Variants in VSIG10 observed in about 807,000 individuals in gnomAD.
The protein encoded by VSIG10 is V-set and immunoglobulin domain-containing protein 10.
Under a neutral mutation model 58.7 loss-of-function variants are expected in VSIG10, and 48 were observed. That is an observed-to-expected ratio of 0.82 (90% CI 0.65 to 1.04). The LOEUF is 1.04. VSIG10 is among the 50% of genes least tolerant of loss of function. The pLI is 0.00. For missense variants in VSIG10, 628 were observed against 670.0 expected (o/e 0.94, Z 0.69); for synonymous variants, 260 against 267.1 (o/e 0.97, Z 0.26).
intron 4 of VSIG10, among the ~76,000 whole-genome samples, chr12:118,075,887 A>G (rs140936414): frequency 4.4e-4 from 67 of 152,318 alleles, no homozygotes; most frequent in African/African-American, 1.3e-3. Flanking sequence ...AGAGTGATCA[A>G]CTGCCCCAGT....
intron 5 of VSIG10, 44 bp from the exon 6 acceptor site, chr12:118,071,513 G>A (rs368527761): frequency 1.6e-5 from 25 of 1,560,398 alleles, no homozygotes; most frequent in Non-Finnish European, 2.2e-5. Context: ...TCAGATATGT[G>A]TGCAATTAGA....
At chr12:118,086,490 G>C (rs978471815) in intron 2 of VSIG10, among the ~76,000 whole-genome samples, 9 of 152,092 alleles carry the variant, frequency 5.9e-5, no homozygotes, top group Admixed American at 1.3e-4. Context: ...TATGGGAAAG[G>C]CTGTGACACC....
Position 118,068,507 on chromosome 12 carries a change from C to A in VSIG10, c.1437G>T (p.Gly479=), listed in dbSNP as rs1265779618. ...CTCTCTCACGTGCTCCCTCCTGTTCCCCTACTGCAGCATCTTCCTCCTCCT... is the reference window on the plus strand; with the variant it reads ...CTCTCTCACGTGCTCCCTCCTGTTCACCTACTGCAGCATCTTCCTCCTCCT... ...EEEEEEDAAV[G]EQEGAREREE... is the part of the protein sequence containing the mutation. Residue 479 remains glycine (G), a synonymous_variant, in exon 8 of 9, where the codon GGG becomes GGT. Coordinates refer to ENST00000359236, the MANE Select transcript of VSIG10 (RefSeq NM_019086.6). The A allele has an allele frequency of 6.2e-7, 1 of 1,610,192 alleles. No individual in the cohort carries two copies. Among genetic ancestry groups the A allele is most frequent in the Non-Finnish European group, 8.5e-7 (1 of 1,179,226 alleles).
intron 2 of VSIG10, among the ~76,000 whole-genome samples, chr12:118,083,805 C>A (rs2033039548): frequency 6.6e-6 from 1 of 152,012 alleles, no homozygotes; most frequent in African/African-American, 2.4e-5. Flanking sequence ...TGTGAGCCAC[C>A]ACACCTGGCC....
chr12:118,074,930 A>G (rs146201909), intron 4 of VSIG10, among the ~76,000 whole-genome samples: 290 of 152,254 alleles, frequency 1.9e-3, no homozygotes, highest in African/African-American at 6.3e-3. Context: ...GGCTGAGTAG[A>G]TATTTTGAGA....
intron 3 of VSIG10, among the ~76,000 whole-genome samples, chr12:118,080,032 C>T (rs2032889837): frequency 6.6e-6 from 1 of 152,226 alleles, no homozygotes; most frequent in Non-Finnish European, 1.5e-5. Flanking sequence ...CAAGGTTTTG[C>T]CATGTTGGTC....
intron 2 of VSIG10, among the ~76,000 whole-genome samples, chr12:118,087,646 G>A (rs1176392109): frequency 6.6e-6 from 1 of 151,862 alleles, no homozygotes; most frequent in African/African-American, 2.4e-5. Context: ...AAACCAGCCT[G>A]GGCAATATAG....
At chr12:118,068,212 T>TTTC (rs1373581354) in intron 8 of VSIG10, among the ~76,000 whole-genome samples, 165 bp downstream of exon 8, 1 of 147,590 alleles carries the variant, frequency 6.8e-6, no homozygotes, top group Non-Finnish European at 1.5e-5. Context: ...TTTTTTTTTT[T>TTTC]TTCGTAGAGA....
At chr12:118,085,085 A>G (rs1592875349) in intron 2 of VSIG10, among the ~76,000 whole-genome samples, 1 of 152,200 alleles carries the variant, frequency 6.6e-6, no homozygotes, top group East Asian at 1.9e-4. Flanking sequence ...TTGGGCAAGA[A>G]TCACCCCACC....
chr12:118,066,345 C>G lies in VSIG10; in HGVS notation c.*294G>C. ...TAAATCAGCATCTATCACAGTAGAT[C>G]AACCTGGATAAAGCCAGGATTCACA... On this transcript the variant is annotated 3_prime_UTR_variant, in exon 9 of 9. Coordinates refer to ENST00000359236, the MANE Select transcript of VSIG10 (RefSeq NM_019086.6). 2.5e-6 allele frequency: 1 copy of G among 399,368 alleles called. No homozygotes were observed. The allele number at this position is 399,368 out of a possible 1,614,324, so 24.7% of individuals were successfully genotyped here. A position where few individuals can be genotyped will look rare whatever the true frequency, so the allele number is the denominator to read the frequency against.
intron 4 of VSIG10, among the ~76,000 whole-genome samples, chr12:118,076,578 T>C (rs2032736518): frequency 6.6e-6 from 1 of 151,936 alleles, no homozygotes; most frequent in South Asian, 2.1e-4. Context: ...GCCCAAGCAA[T>C]ATGCCCGTCC....
intron 2 of VSIG10, among the ~76,000 whole-genome samples, chr12:118,087,449 C>T (rs2033158841): frequency 6.6e-6 from 1 of 151,854 alleles, no homozygotes; most frequent in Non-Finnish European, 1.5e-5. Flanking sequence ...TCACACATCC[C>T]CAGCCACTTG....
chr12:118,100,852 G>T (rs1440575597), intron 1 of VSIG10, among the ~76,000 whole-genome samples: 1 of 152,178 alleles, frequency 6.6e-6, no homozygotes, highest in Non-Finnish European at 1.5e-5. Context: ...AAATTATTAG[G>T]ATTGGGAACC....
At position 118,103,607 on chromosome 12, in the gene VSIG10, C is replaced by A; in HGVS notation, c.65G>T (p.Gly22Val). The A allele has an allele frequency of 6.6e-7, 1 of 1,521,608 alleles. No homozygotes were observed. Among genetic ancestry groups the A allele is most frequent in the Non-Finnish European group, 8.8e-7 (1 of 1,140,526 alleles). 94.3% of individuals were successfully genotyped at this position (1,521,608 alleles called of 1,614,324 possible). Residue 22 changes from glycine (G) to valine (V), a missense_variant, in exon 1 of 9, where the codon GGC (glycine) becomes GTC (valine). Transcript: ENST00000359236. The stretch of plus-strand genomic sequence containing the variant: ...CGGCCCCTTACCTACGGCGACCCAG[C>A]CGGCCAGGAGCGCCCCGAGGCAGAC... ...VLVCLGALLAGWVAVGLEAVV... is the reference protein window; with the variant it reads ...VLVCLGALLAVWVAVGLEAVV...
chr12:118,095,830 T>C lies in VSIG10; in HGVS notation c.80-16A>G, dbSNP rs754936728. ...GCCTCCAATCCTGTACAAGGCAAGA[T>C]CAGGCTGTTACTACCCTTCTTAATT... is the stretch of plus-strand genomic sequence containing the variant. On this transcript the variant is annotated splice_polypyrimidine_tract_variant and intron_variant, in intron 1 of 8. Transcript: ENST00000359236. The C allele has an allele frequency of 6.3e-7, 1 of 1,596,118 alleles. No homozygotes were observed. The highest frequency in any genetic ancestry group is 8.5e-7 in the Non-Finnish European group (1 of 1,170,696).
At position 118,066,651 on chromosome 12, in the gene VSIG10, G is replaced by A. The variant is rs777691810; in HGVS notation, c.1611C>T (p.Asp537=). ...ACCATCCTCTTCTTCAGACTGGCCT[G>A]TCTTCTTCTTGAACAATGTCACTTT... The part of the protein sequence containing the change: ...EEQSDIVQEE[D]RPV Residue 537 remains aspartate, a synonymous_variant, in exon 9 of 9, where the codon GAC becomes GAT. Transcript: ENST00000359236. 15 of 1,613,374 alleles carry A rather than the reference G, an allele frequency of 9.3e-6. No homozygotes were observed. The highest frequency in any genetic ancestry group is 1.3e-5 in the Non-Finnish European group (15 of 1,179,630).
At chr12:118,075,148 A>G (rs1056653101) in intron 4 of VSIG10, among the ~76,000 whole-genome samples, 1 of 115,702 alleles carries the variant, frequency 8.6e-6, no homozygotes, top group African/African-American at 3.9e-5. Context: ...ATATATGTGT[A>G]TATGTATATA....
At chr12:118,081,408 C>T (rs2032943675) in intron 3 of VSIG10, among the ~76,000 whole-genome samples, 1 of 151,982 alleles carries the variant, frequency 6.6e-6, no homozygotes, top group East Asian at 2.0e-4. Context: ...TCACTGCAAC[C>T]TCTGCGTCCC....
intron 2 of VSIG10, among the ~76,000 whole-genome samples, chr12:118,087,610 G>A (rs1310948418): frequency 1.3e-5 from 2 of 151,982 alleles, no homozygotes; most frequent in Admixed American, 6.6e-5. Flanking sequence ...GCCAAGGAGG[G>A]AAGACTGCTT....
Sources: allele counts gnomAD v4.1 joint callset (sites outside exome capture counted in the v4.1 genomes callset), GRCh38; gene constraint gnomAD v4.1.1; transcripts MANE v1.5; gene names NCBI Gene and HGNC (gene_info 2026-07-23, HGNC 2026-07-21).